The following RASSF3 variants were observed in gnomAD, a reference collection of about 807,000 sequenced individuals.
RASSF3 encodes Ras association domain family member 3.
In RASSF3, 19 loss-of-function variants were observed where a neutral mutation model predicts 19.9. The ratio of observed to expected loss-of-function variants is 0.96; its 90% CI spans 0.67 to 1.40. RASSF3 has a LOEUF of 1.40. RASSF3 is among the 40% of genes most tolerant of loss of function. RASSF3 has a pLI of 0.00. For missense variants in RASSF3, 306 were observed against 289.8 expected (o/e 1.06, Z -0.41); for synonymous variants, 110 against 104.2 (o/e 1.06, Z -0.34).
intron 2 of RASSF3, among the ~76,000 whole-genome samples, chr12:64,602,156 G>C (rs1002698657): frequency 6.6e-6 from 1 of 151,790 alleles, no homozygotes; most frequent in African/African-American, 2.4e-5. Context: ...CCATGCATAG[G>C]CCAGGTGTGG....
chr12:64,511,595 T>G (rs1868328549), intron 1 of RASSF3, among the ~76,000 whole-genome samples: 1 of 152,196 alleles, frequency 6.6e-6, no homozygotes. Context: ...TGTAACCTGC[T>G]CCAGGGCACT....
intron 1 of RASSF3, among the ~76,000 whole-genome samples, chr12:64,619,635 A>G (rs957457995): frequency 6.6e-6 from 1 of 152,132 alleles, no homozygotes; most frequent in Non-Finnish European, 1.5e-5. Flanking sequence ...ATGGATTTAG[A>G]AGATCTTGGA....
At chr12:64,584,058 G>A (rs541800204) in intron 2 of RASSF3, among the ~76,000 whole-genome samples, 20 of 152,208 alleles carry the variant, frequency 1.3e-4, no homozygotes, top group Admixed American at 1.2e-3. Flanking sequence ...ATTCCTGTGC[G>A]GTAATCCAAA....
At chr12:64,558,445 T>C (rs958082453) in intron 2 of RASSF3, among the ~76,000 whole-genome samples, 4 of 152,220 alleles carry the variant, frequency 2.6e-5, no homozygotes, top group African/African-American at 7.2e-5. Flanking sequence ...TCCAGCCACA[T>C]GCCTCTATTC....
At chr12:64,614,490 A>G (rs1216610507) in intron 1 of RASSF3, among the ~76,000 whole-genome samples, 2 of 152,106 alleles carry the variant, frequency 1.3e-5, no homozygotes, top group African/African-American at 4.8e-5. Flanking sequence ...TGTATGAAAC[A>G]TTAACTTAAT....
At chr12:64,693,825 C>T (rs1868318675) in intron 4 of RASSF3, among the ~76,000 whole-genome samples, 1 of 152,122 alleles carries the variant, frequency 6.6e-6, no homozygotes, top group Non-Finnish European at 1.5e-5. Context: ...CTCCAAATAG[C>T]GAGAAGTACG....
chr12:64,663,756 T>G (rs1872450987), intron 1 of RASSF3, among the ~76,000 whole-genome samples: 1 of 151,190 alleles, frequency 6.6e-6, no homozygotes, highest in Non-Finnish European at 1.5e-5. Flanking sequence ...TCTGCCCACC[T>G]CGGCCTCTCA....
rs568125915 is a variant in RASSF3, at chr12:64,518,357, T to C, written c.169+11028T>C. ...GGTTCTGCAGACTGTATAGGAAGCA[T>C]GGTGCTGACATCTGCTCCTGTGAAG... On this transcript the variant is annotated intron_variant, in intron 1 of 5. Coordinates refer to the RASSF3 transcript ENST00000637125. 6.8e-4 allele frequency among the ~76,000 whole-genome samples: 103 copies of C among 152,266 alleles called. 1 individual carries two copies. In the South Asian group the frequency reaches 0.02, roughly 30 times the overall value.
chr12:64,673,236 G>A (rs1228162092), intron 1 of RASSF3, among the ~76,000 whole-genome samples: 1 of 152,138 alleles, frequency 6.6e-6, no homozygotes, highest in African/African-American at 2.4e-5. Flanking sequence ...ATGGCTGCTG[G>A]GTGACGCCTT....
At chr12:64,554,382 G>A (rs1460487092) in intron 2 of RASSF3, among the ~76,000 whole-genome samples, 1 of 152,212 alleles carries the variant, frequency 6.6e-6, no homozygotes, top group Non-Finnish European at 1.5e-5. Flanking sequence ...TTGGCTCACT[G>A]CAACCTTTGC....
intron 1 of RASSF3, chr12:64,630,015 T>C (rs894272484): frequency 6.6e-6 from 1 of 150,928 alleles, no homozygotes; most frequent in African/African-American, 2.4e-5. Flanking sequence ...AAATGGTTTA[T>C]GTGAACTAAA....
intron 2 of RASSF3, among the ~76,000 whole-genome samples, chr12:64,552,410 T>C (rs927472201): frequency 2.0e-5 from 3 of 152,182 alleles, no homozygotes; most frequent in Non-Finnish European, 2.9e-5. Flanking sequence ...GTGCAGGATG[T>C]GCAGATTTGT....
At chr12:64,611,928 A>AAG (rs1199688144) in intron 1 of RASSF3, among the ~76,000 whole-genome samples, 3 of 152,196 alleles carry the variant, frequency 2.0e-5, no homozygotes, top group Admixed American at 6.5e-5. Flanking sequence ...GGAGACGGTG[A>AAG]AGGGTAAGCT....
At chr12:64,612,836 T>G (rs1444268110) in intron 1 of RASSF3, among the ~76,000 whole-genome samples, 1 of 152,196 alleles carries the variant, frequency 6.6e-6, no homozygotes, top group Non-Finnish European at 1.5e-5. Context: ...TATATTATAC[T>G]CAGGGTAGTA....
chr12:64,604,231 T>G (rs1393042936), intron 2 of RASSF3, among the ~76,000 whole-genome samples: 1 of 151,226 alleles, frequency 6.6e-6, no homozygotes. Flanking sequence ...GCTCAAGCAA[T>G]CCTCCCACCT....
intron 2 of RASSF3, among the ~76,000 whole-genome samples, chr12:64,686,700 G>A (rs7304648): frequency 0.11 from 16,639 of 152,066 alleles, 974 homozygotes; most frequent in Middle Eastern, 0.19. Flanking sequence ...GGTGGCGGGT[G>A]CCTGCAGTCC....
At chr12:64,682,429 T>C (rs1432177093) in intron 1 of RASSF3, among the ~76,000 whole-genome samples, 2 of 151,650 alleles carry the variant, frequency 1.3e-5, no homozygotes, top group African/African-American at 2.4e-5. Flanking sequence ...TAGCCGGGCG[T>C]GGTGGCGGGC....
intron 1 of RASSF3, among the ~76,000 whole-genome samples, chr12:64,650,121 G>GCAGGGA (rs1871887723): frequency 6.6e-6 from 1 of 152,184 alleles, no homozygotes; most frequent in Non-Finnish European, 1.5e-5. Context: ...ATTTGCAGGG[G>GCAGGGA]CAGGGACAGG....
chr12:64,571,347 C>T (rs1470682616), intron 2 of RASSF3, among the ~76,000 whole-genome samples: 2 of 152,172 alleles, frequency 1.3e-5, no homozygotes, highest in Non-Finnish European at 2.9e-5. Context: ...GAGGGGCTGT[C>T]GCTTTTTCAG....
Sources: allele counts gnomAD v4.1 joint callset (sites outside exome capture counted in the v4.1 genomes callset), GRCh38; gene constraint gnomAD v4.1.1; transcripts MANE v1.5; gene names NCBI Gene and HGNC (gene_info 2026-07-23, HGNC 2026-07-21).